The following PPP1R12A variants were observed in gnomAD, a reference collection of about 807,000 sequenced individuals.
PPP1R12A encodes the protein protein phosphatase 1 regulatory subunit 12A.
In PPP1R12A, 19 loss-of-function variants were observed where a neutral mutation model predicts 139.6. The ratio of observed to expected loss-of-function variants is 0.14; its 90% CI spans 0.09 to 0.20. PPP1R12A has a LOEUF of 0.20. Ranked by LOEUF, PPP1R12A falls within the 10% of genes least tolerant of loss-of-function variation. The pLI is 1.00. For missense variants in PPP1R12A, 925 were observed against 1,211.5 expected (o/e 0.76, Z 3.51); for synonymous variants, 427 against 420.6 (o/e 1.02, Z -0.19).
intron 1 of PPP1R12A, among the ~76,000 whole-genome samples, chr12:79,925,261 C>CGT (rs146017455): frequency 0.012 from 1,825 of 149,632 alleles, 25 homozygotes; most frequent in African/African-American, 0.036. Flanking sequence ...CATACGTGTA[C>CGT]GTGTGTGTGT....
At chr12:79,794,013 TTC>T in intron 18 of PPP1R12A, 85 bp from the exon 19 acceptor site, 5 of 967,046 alleles carry the variant, frequency 5.2e-6, no homozygotes, top group East Asian at 2.8e-5. Context: ...TTGGGAGTCC[TTC>T]TCTCTCAGAA....
chr12:79,813,109 A>C (rs1166574858), intron 9 of PPP1R12A, among the ~76,000 whole-genome samples: 1 of 152,228 alleles, frequency 6.6e-6, no homozygotes, highest in Non-Finnish European at 1.5e-5. Flanking sequence ...CTTATCAAAT[A>C]AATTATAAAA....
At chr12:79,781,409 C>G (rs1444405257) in intron 23 of PPP1R12A, among the ~76,000 whole-genome samples, 1 of 151,714 alleles carries the variant, frequency 6.6e-6, no homozygotes, top group Non-Finnish European at 1.5e-5. Flanking sequence ...GATTTAGAAA[C>G]TTTATTTCAA....
rs1222951049 is a variant in PPP1R12A, at chr12:79,872,812, C to T, written c.364G>A (p.Ala122Thr). 1 of 1,613,260 alleles carries T rather than the reference C, an allele frequency of 6.2e-7. No individual in the cohort carries two copies. The highest frequency in any genetic ancestry group is 8.5e-7 in the Non-Finnish European group (1 of 1,179,590). Residue 122 changes from alanine to threonine, a missense_variant, in exon 2 of 25, where the codon GCA becomes ACA. Physicochemically the swap from Ala to Thr is moderately conservative, Grantham distance 58. Transcript: ENST00000450142. ...GAAAACACAGAACTGGCTTACTCTG[C>T]AATATCAAGATATCCACAGGAAGCT... ...AAASCGYLDI[A>T]EFLIGQGAHV...
At chr12:79,778,702 C>T in intron 23 of PPP1R12A, 102 bp from the exon 24 acceptor site, 1 of 771,314 alleles carries the variant, frequency 1.3e-6, no homozygotes, top group Non-Finnish European at 1.9e-6. Flanking sequence ...AAGGTCCAAT[C>T]AGGAGCAGTG....
intron 1 of PPP1R12A, among the ~76,000 whole-genome samples, chr12:79,875,622 C>T (rs945556345): frequency 2.6e-5 from 4 of 152,190 alleles, no homozygotes; most frequent in Non-Finnish European, 5.9e-5. Context: ...TTAATTTACA[C>T]ACTGTCATCT....
At chr12:79,920,774 G>C (rs1409468560) in intron 1 of PPP1R12A, among the ~76,000 whole-genome samples, 2 of 152,156 alleles carry the variant, frequency 1.3e-5, no homozygotes, top group Non-Finnish European at 2.9e-5. Context: ...GCTGCCTCAG[G>C]ACTCTACAGA....
chr12:79,906,392 C>A (rs1448357215), intron 1 of PPP1R12A, among the ~76,000 whole-genome samples: 1 of 151,932 alleles, frequency 6.6e-6, no homozygotes, highest in African/African-American at 2.4e-5. Flanking sequence ...AAGGAGTATA[C>A]CAATATATTA....
intron 1 of PPP1R12A, among the ~76,000 whole-genome samples, chr12:79,922,949 T>C (rs1887556120): frequency 1.3e-5 from 2 of 152,108 alleles, no homozygotes; most frequent in Non-Finnish European, 2.9e-5. Flanking sequence ...GGAACAATCC[T>C]AAGGAATACA....
chr12:79,831,455 T>A (rs1199635942), intron 4 of PPP1R12A, among the ~76,000 whole-genome samples: 1 of 152,106 alleles, frequency 6.6e-6, no homozygotes, highest in East Asian at 1.9e-4. Context: ...TAGTGGCACA[T>A]GCTTGTAGTC....
rs893939203 is a variant in PPP1R12A at position 79,775,734 on chromosome 12, A to G, written c.*195T>C. On this transcript the variant is annotated 3_prime_UTR_variant, in exon 25 of 25. Coordinates refer to ENST00000450142, the MANE Select transcript of PPP1R12A (RefSeq NM_002480.3). Reference sequence around the variant, plus strand: ...GTCTTGATTAAAAAAAAAAAACAAAAAACAAACCAACAACAACAAAAACAC... The same window carrying G: ...GTCTTGATTAAAAAAAAAAAACAAAGAACAAACCAACAACAACAAAAACAC... 2.5e-6 allele frequency: 1 copy of G among 402,008 alleles called. No individual in the cohort carries two copies. Among genetic ancestry groups the G allele is most frequent in the South Asian group, 6.3e-5 (1 of 15,766 alleles). 24.9% of individuals were successfully genotyped at this position (402,008 alleles called of 1,614,324 possible).
chr12:79,859,110 C>G (rs1405705897), intron 2 of PPP1R12A, among the ~76,000 whole-genome samples: 2 of 152,030 alleles, frequency 1.3e-5, no homozygotes, highest in Admixed American at 1.3e-4. Context: ...CCAAGGCGGG[C>G]AGATCACAAG....
At chr12:79,879,414 AC>A (rs1229909225) in intron 1 of PPP1R12A, among the ~76,000 whole-genome samples, 1 of 152,212 alleles carries the variant, frequency 6.6e-6, no homozygotes, top group Non-Finnish European at 1.5e-5. Context: ...TGAAATTCAC[AC>A]AACCACTTCA....
chr12:79,813,619 C>T (rs1300323956), intron 9 of PPP1R12A, among the ~76,000 whole-genome samples: 1 of 152,130 alleles, frequency 6.6e-6, no homozygotes, highest in Non-Finnish European at 1.5e-5. Context: ...GAGATCCCAA[C>T]AAAATTTATT....
In PPP1R12A at chr12:79,774,705, C is replaced by G. The variant is rs1195171340; in HGVS notation, c.*1224G>C. 2 of 151,442 alleles carry G rather than the reference C, an allele frequency of 1.3e-5. No individual in the cohort carries two copies. Among genetic ancestry groups the G allele is most frequent in the Non-Finnish European group, 2.9e-5 (2 of 67,862 alleles). 9.4% of individuals were successfully genotyped at this position (151,442 alleles called of 1,614,324 possible). ...GATGGTGGTATCAAAGTCGATGCCT[C>G]TTCACATGGCAATAACAGTGCATTT... On this transcript the variant is annotated 3_prime_UTR_variant, in exon 25 of 25. Transcript: ENST00000450142.
intron 2 of PPP1R12A, among the ~76,000 whole-genome samples, chr12:79,849,914 T>C (rs1879847069): frequency 6.6e-6 from 1 of 152,120 alleles, no homozygotes; most frequent in Admixed American, 6.5e-5. Context: ...CCTTGAACTC[T>C]TAGGCTCAAG....
At chr12:79,792,193 C>T in intron 19 of PPP1R12A, among the ~76,000 whole-genome samples, 1 of 152,292 alleles carries the variant, frequency 6.6e-6, no homozygotes, top group African/African-American at 2.4e-5. Context: ...TATGCACATA[C>T]ATTGCACCTT....
chr12:79,810,941 A>G (rs1384020044), intron 9 of PPP1R12A, among the ~76,000 whole-genome samples: 2 of 152,006 alleles, frequency 1.3e-5, no homozygotes, highest in Non-Finnish European at 2.9e-5. Flanking sequence ...AACATTAACT[A>G]TTTCAACTAT....
At chr12:79,862,799 C>T (rs2082841870) in intron 2 of PPP1R12A, among the ~76,000 whole-genome samples, 1 of 151,988 alleles carries the variant, frequency 6.6e-6, no homozygotes, top group African/African-American at 2.4e-5. Flanking sequence ...ATAAAGCCTC[C>T]AAGAAATATG....
Sources: allele counts gnomAD v4.1 joint callset (sites outside exome capture counted in the v4.1 genomes callset), GRCh38; gene constraint gnomAD v4.1.1; transcripts MANE v1.5; gene names NCBI Gene and HGNC (gene_info 2026-07-23, HGNC 2026-07-21).